The following LHFPL6 variants were observed in gnomAD, a reference collection of about 807,000 sequenced individuals.
The protein encoded by LHFPL6 is LHFPL tetraspan subfamily member 6.
A neutral mutation model predicts 20.6 loss-of-function variants in LHFPL6; 9 were observed. That is an observed-to-expected ratio of 0.44 (90% CI 0.26 to 0.76). LHFPL6 has a LOEUF of 0.76. LHFPL6 is among the 30% of genes least tolerant of loss of function. LHFPL6 has a pLI of 0.20. For synonymous variants in LHFPL6, 105 were observed against 98.7 expected, an observed-to-expected ratio of 1.06 and a Z score of -0.38; for missense variants, 218 against 253.5, an observed-to-expected ratio of 0.86 and a Z score of 0.95.
chr13:39,553,872 C>T (rs1384228753), intron 2 of LHFPL6, among the ~76,000 whole-genome samples: 1 of 152,236 alleles, frequency 6.6e-6, no homozygotes, highest in Non-Finnish European at 1.5e-5. Context: ...CTGCCAATTT[C>T]CCTGCCGATG....
intron 2 of LHFPL6, among the ~76,000 whole-genome samples, chr13:39,495,529 G>C (rs1026795237): frequency 1.3e-5 from 2 of 151,564 alleles, no homozygotes; most frequent in Non-Finnish European, 2.9e-5. Context: ...GCAGTGAAAA[G>C]ATAAGTTGTG....
At chr13:39,599,311 C>T (rs766332563) in intron 2 of LHFPL6, among the ~76,000 whole-genome samples, 2 of 152,176 alleles carry the variant, frequency 1.3e-5, no homozygotes, top group Non-Finnish European at 2.9e-5. Context: ...TTTATTCTTA[C>T]AGAAAAAAAT....
At chr13:39,569,796 C>T (rs1269682230) in intron 2 of LHFPL6, among the ~76,000 whole-genome samples, 1 of 152,160 alleles carries the variant, frequency 6.6e-6, no homozygotes, top group Admixed American at 6.5e-5. Context: ...CTTACATATA[C>T]AGAGTGCCCA....
intron 2 of LHFPL6, among the ~76,000 whole-genome samples, chr13:39,387,199 G>GA (rs1870586593): frequency 6.6e-6 from 1 of 152,064 alleles, no homozygotes; most frequent in Non-Finnish European, 1.5e-5. Flanking sequence ...AAAATCCTCA[G>GA]AAAAATGTAT....
intron 2 of LHFPL6, among the ~76,000 whole-genome samples, chr13:39,463,775 G>T (rs1872739098): frequency 6.6e-6 from 1 of 152,138 alleles, no homozygotes; most frequent in African/African-American, 2.4e-5. Context: ...ATTTACTGAG[G>T]ATTATGTTGC....
At chr13:39,528,472 C>T (rs557677407) in intron 2 of LHFPL6, among the ~76,000 whole-genome samples, 1 of 152,218 alleles carries the variant, frequency 6.6e-6, no homozygotes, top group Non-Finnish European at 1.5e-5. Flanking sequence ...TCAGCAGCAT[C>T]CCAAAGAGCT....
chr13:39,475,044 G>C (rs912938525), intron 2 of LHFPL6, among the ~76,000 whole-genome samples: 1 of 152,174 alleles, frequency 6.6e-6, no homozygotes, highest in African/African-American at 2.4e-5. Flanking sequence ...GTGACCCAGA[G>C]CCTGTGTTTT....
chr13:39,467,518 C>A (rs1197790792), intron 2 of LHFPL6, among the ~76,000 whole-genome samples: 2 of 152,146 alleles, frequency 1.3e-5, no homozygotes, highest in African/African-American at 4.8e-5. Flanking sequence ...CTGCTCCTGT[C>A]GCTGACTCTT....
intron 2 of LHFPL6, among the ~76,000 whole-genome samples, chr13:39,551,417 A>G (rs1871142990): frequency 6.6e-6 from 1 of 151,406 alleles, no homozygotes; most frequent in African/African-American, 2.5e-5. Flanking sequence ...TGACCCAATT[A>G]CCTTTTATTT....
chr13:39,593,914 T>A (rs9576870), intron 2 of LHFPL6, among the ~76,000 whole-genome samples: 1 of 152,062 alleles, frequency 6.6e-6, no homozygotes. Flanking sequence ...GCTAGCCATA[T>A]GTAAAAAGCT....
intron 2 of LHFPL6, among the ~76,000 whole-genome samples, chr13:39,532,304 A>C (rs1470927222): frequency 2.6e-5 from 4 of 152,066 alleles, no homozygotes; most frequent in Admixed American, 2.6e-4. Flanking sequence ...CCTCCACAAA[A>C]CAGCCCCAAC....
chr13:39,424,343 A>G (rs1431255711), intron 2 of LHFPL6, among the ~76,000 whole-genome samples: 3 of 152,046 alleles, frequency 2.0e-5, no homozygotes, highest in African/African-American at 7.3e-5. Flanking sequence ...GAATCACACA[A>G]TAAAGGAATA....
At chr13:39,532,077 T>C (rs1359217470) in intron 2 of LHFPL6, among the ~76,000 whole-genome samples, 2 of 152,200 alleles carry the variant, frequency 1.3e-5, no homozygotes, top group Non-Finnish European at 2.9e-5. Context: ...AAATTACCCC[T>C]GAATCATCTT....
intron 2 of LHFPL6, among the ~76,000 whole-genome samples, chr13:39,437,707 C>T (rs1164154598): frequency 6.6e-6 from 1 of 152,034 alleles, no homozygotes; most frequent in Non-Finnish European, 1.5e-5. Context: ...ATCAAACCAT[C>T]CTGGCTAACA....
chr13:39,378,317 G>T, intron 3 of LHFPL6, 111 bp downstream of exon 3: 1 of 738,218 alleles, frequency 1.4e-6, no homozygotes, highest in East Asian at 2.6e-5. Context: ...ACTACTGGCT[G>T]TAATACCCAG....
chr13:39,349,689 G>A (rs992690121), intron 3 of LHFPL6, among the ~76,000 whole-genome samples: 2 of 152,222 alleles, frequency 1.3e-5, no homozygotes, highest in Admixed American at 6.5e-5. Context: ...GCAGCATATT[G>A]CAAGTGATCT....
intron 2 of LHFPL6, among the ~76,000 whole-genome samples, chr13:39,547,371 T>C (rs957349218): frequency 3.9e-5 from 6 of 152,054 alleles, no homozygotes; most frequent in Non-Finnish European, 8.8e-5. Context: ...GCAAGGGGCT[T>C]TGTCACAGAA....
At chr13:39,541,833 T>C (rs1235532520) in intron 2 of LHFPL6, among the ~76,000 whole-genome samples, 1 of 151,066 alleles carries the variant, frequency 6.6e-6, no homozygotes, top group East Asian at 2.0e-4. Flanking sequence ...CTCACGCCTG[T>C]AATCCCAGCA....
intron 2 of LHFPL6, among the ~76,000 whole-genome samples, chr13:39,471,742 G>A (rs1392830077): frequency 6.6e-6 from 1 of 152,210 alleles, no homozygotes; most frequent in Non-Finnish European, 1.5e-5. Context: ...GTTCAACCTT[G>A]TAGAGAAATT....
Sources: allele counts gnomAD v4.1 joint callset (sites outside exome capture counted in the v4.1 genomes callset), GRCh38; gene constraint gnomAD v4.1.1; transcripts MANE v1.5; gene names NCBI Gene and HGNC (gene_info 2026-07-23, HGNC 2026-07-21).